Variants in LRP2 observed in about 807,000 individuals in gnomAD.
LRP2 encodes the protein low-density lipoprotein receptor-related protein 2.
A neutral mutation model predicts 531.0 loss-of-function variants in LRP2; 172 were observed. That is an observed-to-expected ratio of 0.32 (90% CI 0.29 to 0.37). The LOEUF (loss-of-function observed/expected upper bound fraction) is 0.37. Ranked by LOEUF, LRP2 falls within the 10% of genes least tolerant of loss-of-function variation. LRP2 has a pLI of 1.00. For missense variants in LRP2, 5,167 were observed against 5,868.3 expected, an observed-to-expected ratio of 0.88 and a Z score of 3.90; for synonymous variants, 1,992 against 2,027.6, an observed-to-expected ratio of 0.98 and a Z score of 0.47.
rs753796104 is a variant in LRP2, at chr2:169,242,962, C to T, written c.3661G>A (p.Gly1221Ser). Reference sequence around the variant, plus strand: ...CTGGGTATGTGTTACTTACGACAGCCTGCTTCATCCGAGTTGTCACTGCAA... The same window carrying T: ...CTGGGTATGTGTTACTTACGACAGCTTGCTTCATCCGAGTTGTCACTGCAA... ...FDCSDNSDEA[G>S]CPTRPPGMCH... Residue 1221 changes from glycine (G) to serine (S), a missense_variant, in exon 24 of 79, where the codon GGC (glycine) becomes AGC (serine). Around this residue, in one of 6 missense-constraint regions of LRP2, gnomAD observed 2,811 missense variants for 3,058.0 expected, o/e 0.92. Coordinates refer to ENST00000649046, the MANE Select transcript of LRP2 (RefSeq NM_004525.3). 8 of 1,613,090 alleles carry T rather than the reference C, an allele frequency of 5.0e-6. No homozygotes were observed. The Admixed American group carries it at 1.2e-4, about 24-fold the overall frequency.
At position 169,222,744 on chromosome 2, in the gene LRP2, C is replaced by G. The variant is rs930809661; in HGVS notation, c.5539-2181G>C. Among the ~76,000 whole-genome samples, 31 of 152,256 alleles carry G rather than the reference C, an allele frequency of 2.0e-4. No homozygotes were observed. In the East Asian group the frequency reaches 2.7e-3, roughly 13 times the overall value. On this transcript the variant is annotated intron_variant, in intron 33 of 78. Coordinates refer to ENST00000649046, the MANE Select transcript of LRP2 (RefSeq NM_004525.3). ...AATAACAATTATGTGAATGTGGTCT[C>G]TCTCTCTCTCCTCCCTTTTAAATAT...
Position 169,284,259 on chromosome 2 carries a change from T to C in LRP2, c.1043-1258A>G, listed in dbSNP as rs1574219262. 8.6e-5 allele frequency among the ~76,000 whole-genome samples: 10 copies of C among 116,622 alleles called. 3 individuals carry two copies. The highest frequency in any genetic ancestry group is 3.1e-4 in the African/African-American group (9 of 28,702). 76.5% of individuals were successfully genotyped at this position (116,622 alleles called of 152,430 possible). A position where few individuals can be genotyped will look rare whatever the true frequency, so the allele number is the denominator to read the frequency against. Reference sequence around the variant, plus strand: ...TTCTTTTCTTTTTCTTTTTTTTCTTTTTTTTTTTTTTTTTTTTTTTTTTGA... The same window carrying C: ...TTCTTTTCTTTTTCTTTTTTTTCTTCTTTTTTTTTTTTTTTTTTTTTTTGA... On this transcript the variant is annotated intron_variant, in intron 9 of 78. Coordinates refer to ENST00000649046, the MANE Select transcript of LRP2 (RefSeq NM_004525.3).
At chr2:169,138,499 G>T in intron 75 of LRP2, 78 bp downstream of exon 75, 1 of 1,498,456 alleles carries the variant, frequency 6.7e-7, no homozygotes, top group Non-Finnish European at 9.2e-7. Context: ...GTCTTCTCTA[G>T]GTGAATTTTG....
rs1430460173 is a variant in LRP2 at position 169,204,285 on chromosome 2, A to T, written c.7716-14T>A. The T allele has an allele frequency of 5.6e-6, 9 of 1,608,492 alleles. No homozygotes were observed. Among genetic ancestry groups the T allele is most frequent in the Non-Finnish European group, 7.6e-6 (9 of 1,179,796 alleles). ...TCAATCCTCTGCCTAAAATGAAGCA[A>T]AAAAAAATTTAGAAGTTGAAATCTC... On this transcript the variant is annotated splice_polypyrimidine_tract_variant and intron_variant, in intron 41 of 78. Coordinates refer to ENST00000649046, the MANE Select transcript of LRP2 (RefSeq NM_004525.3).
chr2:169,156,172 AAAG>A, intron 65 of LRP2, 99 bp downstream of exon 65: 1 of 1,526,682 alleles, frequency 6.6e-7, no homozygotes, highest in Non-Finnish European at 9.0e-7. Flanking sequence ...AAAAGAAAGA[AAAG>A]AAAAACTATG....
At chr2:169,336,933 G>A (rs76985784) in intron 1 of LRP2, among the ~76,000 whole-genome samples, 4 of 152,268 alleles carry the variant, frequency 2.6e-5, no homozygotes, top group African/African-American at 9.6e-5. Context: ...ACAAAGTTTG[G>A]TGGGTAAGGT....
intron 1 of LRP2, among the ~76,000 whole-genome samples, chr2:169,327,285 G>A (rs1305902350): frequency 4.0e-5 from 4 of 98,816 alleles, no homozygotes; most frequent in Non-Finnish European, 8.7e-5. Flanking sequence ...CCCCCCGCCC[G>A]GCCAGCCGCC....
rs139941628 is a variant in LRP2 at position 169,331,228 on chromosome 2, G to A, written c.80-10344C>T. ...GTTGTGGTGCAAACTTTTCCCGTCC[G>A]TATTCATTATCAGAGCAAAAAAATA... On this transcript the variant is annotated intron_variant, in intron 1 of 78. Coordinates refer to ENST00000649046, the MANE Select transcript of LRP2 (RefSeq NM_004525.3). Among the ~76,000 whole-genome samples, 276 of 152,224 alleles carry A rather than the reference G, an allele frequency of 1.8e-3. 1 individual carries two copies. Among genetic ancestry groups the A allele is most frequent in the African/African-American group, 5.9e-3 (247 of 41,532 alleles).
At chr2:169,196,109 C>G (rs1687994821) in intron 46 of LRP2, among the ~76,000 whole-genome samples, 2 of 152,046 alleles carry the variant, frequency 1.3e-5, no homozygotes, top group South Asian at 4.1e-4. Context: ...AACTTTTTAA[C>G]TAGATAGTAA....
chr2:169,310,214 T>C (rs948246046), intron 3 of LRP2, among the ~76,000 whole-genome samples: 20 of 152,326 alleles, frequency 1.3e-4, no homozygotes, highest in Non-Finnish European at 2.2e-4. Context: ...ATACCCTTTA[T>C]TTCTTTCTCC....
chr2:169,138,505 T>A, intron 75 of LRP2, 72 bp downstream of exon 75: 2 of 1,543,328 alleles, frequency 1.3e-6, no homozygotes, highest in Admixed American at 3.4e-5. Context: ...TCTAGGTGAA[T>A]TTTGTTCTTT....
chr2:169,343,270 C>G (rs947781208), intron 1 of LRP2, among the ~76,000 whole-genome samples: 6 of 152,192 alleles, frequency 3.9e-5, no homozygotes, highest in Admixed American at 3.9e-4. Flanking sequence ...ACCAAACATT[C>G]TTGGGGGAAG....
At chr2:169,132,966 T>C (rs541663039) in intron 76 of LRP2, among the ~76,000 whole-genome samples, 26 of 152,290 alleles carry the variant, frequency 1.7e-4, no homozygotes, top group African/African-American at 6.3e-4. Flanking sequence ...ATTTCTACTG[T>C]ATTCTCTATA....
At chr2:169,327,519 CG>C (rs1395957992) in intron 1 of LRP2, among the ~76,000 whole-genome samples, 1 of 127,338 alleles carries the variant, frequency 7.9e-6, no homozygotes, top group African/African-American at 3.1e-5. Context: ...CCAGCCGCCC[CG>C]TCCGGGAGGG....
chr2:169,186,071 A>G, intron 49 of LRP2, 52 bp from the exon 50 acceptor site: 1 of 1,512,472 alleles, frequency 6.6e-7, no homozygotes, highest in Non-Finnish European at 9.1e-7. Flanking sequence ...CGACCAACTC[A>G]CTATAATGGT....
At chr2:169,356,415 C>T (rs1685987890) in intron 1 of LRP2, among the ~76,000 whole-genome samples, 1 of 152,142 alleles carries the variant, frequency 6.6e-6, no homozygotes, top group African/African-American at 2.4e-5. Context: ...GTAAAATTCT[C>T]GTATTGGGTA....
At chr2:169,345,933 C>T (rs1264537497) in intron 1 of LRP2, among the ~76,000 whole-genome samples, 1 of 152,124 alleles carries the variant, frequency 6.6e-6, no homozygotes, top group Non-Finnish European at 1.5e-5. Flanking sequence ...ACAGGAAGGC[C>T]CTGGAGGGAA....
At chr2:169,142,929 G>T in intron 70 of LRP2, 136 bp from the exon 71 acceptor site, 2 of 910,030 alleles carry the variant, frequency 2.2e-6, no homozygotes, top group Non-Finnish European at 1.8e-6. Flanking sequence ...GTGTCAGCTG[G>T]CCACTCACCC....
intron 16 of LRP2, among the ~76,000 whole-genome samples, chr2:169,264,264 A>G (rs1236888498): frequency 6.6e-6 from 1 of 151,872 alleles, no homozygotes; most frequent in Admixed American, 6.6e-5. Flanking sequence ...ATAAATAAAA[A>G]TAAAAAAATT....
Sources: allele counts gnomAD v4.1 joint callset (sites outside exome capture counted in the v4.1 genomes callset), GRCh38; gene constraint gnomAD v4.1.1; regional missense constraint gnomAD v4.1.1; transcripts MANE v1.5; gene names NCBI Gene and HGNC (gene_info 2026-07-23, HGNC 2026-07-21).